The following ADGRE3 variants were observed in gnomAD, a reference collection of about 807,000 sequenced individuals.
ADGRE3 encodes EGF-like module receptor 3.
ADGRE3 carries 88 observed loss-of-function variants against 80.1 expected under a neutral mutation model. That is an observed-to-expected ratio of 1.10 (90% confidence interval 0.93 to 1.31). The LOEUF (loss-of-function observed/expected upper bound fraction) is 1.31, where lower values mean the gene tolerates loss of function less well. Ranked by LOEUF, ADGRE3 falls within the 40% of genes most tolerant of loss-of-function variation. ADGRE3 has a pLI of 0.00. For synonymous variants in ADGRE3, 281 were observed against 294.8 expected (o/e 0.95, Z 0.48); for missense variants, 715 against 776.5 (o/e 0.92, Z 0.94).
At chr19:14,670,896 C>T (rs1211586735) in intron 1 of ADGRE3, among the ~76,000 whole-genome samples, 2 of 152,228 alleles carry the variant, frequency 1.3e-5, no homozygotes, top group Non-Finnish European at 2.9e-5. Context: ...AGGGCACTAC[C>T]TGCATGGAAG....
intron 1 of ADGRE3, among the ~76,000 whole-genome samples, chr19:14,673,876 T>C (rs1165430770): frequency 1.3e-5 from 2 of 152,184 alleles, no homozygotes; most frequent in African/African-American, 4.8e-5. Flanking sequence ...TTTTCCACTG[T>C]CCTTCTACTC....
chr19:14,618,053 G>A (rs1435603255), downstream of ADGRE3, among the ~76,000 whole-genome samples: 1 of 151,680 alleles, frequency 6.6e-6, no homozygotes, highest in Non-Finnish European at 1.5e-5. Flanking sequence ...ACTTTTATTT[G>A]GAGGGACAGC....
rs144007714 is a variant in ADGRE3, at chr19:14,671,606, C to T, written c.26-2754G>A. The stretch of plus-strand genomic sequence containing the variant: ...GTTCCAGGGATTAGGATGTGGATGT[C>T]TCTGGGGGGACTGTTATTTTTCTTC... On this transcript the variant is annotated intron_variant, in intron 1 of 15. Coordinates refer to ENST00000253673, the MANE Select transcript of ADGRE3 (RefSeq NM_032571.5). 1.7e-3 allele frequency among the ~76,000 whole-genome samples: 264 copies of T among 152,240 alleles called. 1 individual carries two copies. Among genetic ancestry groups the T allele is most frequent in the African/African-American group, 6.1e-3 (254 of 41,530 alleles).
chr19:14,637,065 G>A (rs544102164), intron 11 of ADGRE3, among the ~76,000 whole-genome samples: 2 of 152,266 alleles, frequency 1.3e-5, no homozygotes, highest in African/African-American at 2.4e-5. Flanking sequence ...TTGGACTCCA[G>A]CCTGGGCAAC....
At chr19:14,655,606 C>T (rs906978112) in intron 5 of ADGRE3, among the ~76,000 whole-genome samples, 10 of 152,008 alleles carry the variant, frequency 6.6e-5, no homozygotes, top group African/African-American at 2.4e-4. Context: ...CAGGTGCACA[C>T]CGCCATGCTT....
intron 14 of ADGRE3, 23 bp downstream of exon 14, chr19:14,630,016 C>A (rs1466883510): frequency 1.3e-6 from 2 of 1,516,562 alleles, no homozygotes; most frequent in Admixed American, 2.1e-5. Context: ...GTTTAAATAA[C>A]AAAGAAAGGG....
At chr19:14,617,344 T>TCTCTCTCTCTTTCTC (rs774654059), downstream of ADGRE3, among the ~76,000 whole-genome samples, 3 of 49,330 alleles carry the variant, frequency 6.1e-5, no homozygotes, top group African/African-American at 1.7e-4. Context: ...CTCCCTCCCT[T>TCTCTCTCTCTTTCTC]TCTTTCTTTC....
chr19:14,639,921 T>G (rs1447525405), intron 10 of ADGRE3, among the ~76,000 whole-genome samples: 2 of 152,228 alleles, frequency 1.3e-5, no homozygotes, highest in Admixed American at 6.5e-5. Context: ...ACAATAGCTC[T>G]CTTGTATTTA....
At chr19:14,617,343 T>TCTCTTTCTTTCTC (rs527628863), downstream of ADGRE3, among the ~76,000 whole-genome samples, 2 of 71,564 alleles carry the variant, frequency 2.8e-5, no homozygotes, top group African/African-American at 1.2e-4. Flanking sequence ...CCTCCCTCCC[T>TCTCTTTCTTTCTC]TTCTTTCTTT....
intron 2 of ADGRE3, 122 bp from the exon 3 acceptor site, chr19:14,663,662 A>C: frequency 8.2e-7 from 1 of 1,221,754 alleles, no homozygotes; most frequent in Non-Finnish European, 1.1e-6. Context: ...AACATACTGA[A>C]ACCCCATTTC....
rs551141717 is a variant in ADGRE3, at chr19:14,630,762, A to G, written c.1644-555T>C. Among the ~76,000 whole-genome samples the G allele has an allele frequency of 1.1e-3, 165 of 152,268 alleles. 1 individual carries two copies. The highest frequency in any genetic ancestry group is 3.7e-3 in the African/African-American group (152 of 41,576). ...GTCCTATTTCGTGGGGTTGCTATAA[A>G]GATTACATGAGACTTTAATGGGAAA... On this transcript the variant is annotated intron_variant, in intron 13 of 15. Coordinates refer to ENST00000253673, the MANE Select transcript of ADGRE3 (RefSeq NM_032571.5).
chr19:14,666,637 C>T (rs373542560), intron 2 of ADGRE3, among the ~76,000 whole-genome samples: 2 of 152,114 alleles, frequency 1.3e-5, no homozygotes, highest in African/African-American at 2.4e-5. Context: ...TCGGCCTCCC[C>T]GAGTGCTGGG....
At chr19:14,657,850 G>A (rs1267805191) in intron 5 of ADGRE3, among the ~76,000 whole-genome samples, 1 of 151,750 alleles carries the variant, frequency 6.6e-6, no homozygotes, top group African/African-American at 2.4e-5. Context: ...CGCAACCTCC[G>A]CCTCCTGGAT....
intron 4 of ADGRE3, among the ~76,000 whole-genome samples, chr19:14,661,292 G>T (rs1210862331): frequency 6.6e-6 from 1 of 152,158 alleles, no homozygotes; most frequent in Non-Finnish European, 1.5e-5. Context: ...AAGCCAGCCT[G>T]CAGTGAAAGA....
intron 2 of ADGRE3, 45 bp from the exon 3 acceptor site, chr19:14,663,585 C>A (rs1183838018): frequency 1.3e-6 from 2 of 1,589,306 alleles, no homozygotes; most frequent in African/African-American, 2.7e-5. Context: ...GGGTCACAAA[C>A]TCTCCTGTTA....
chr19:14,609,556 G>C, the ADGRE3 span, among the ~76,000 whole-genome samples: 2 of 152,090 alleles, frequency 1.3e-5, no homozygotes, highest in African/African-American at 4.8e-5. Context: ...TTGATTAAGG[G>C]GCCAGGCACG....
In ADGRE3 at chr19:14,638,095, T is replaced by G; in HGVS notation, c.1484+10A>C. On this transcript the variant is annotated intron_variant, in intron 11 of 15. Transcript: ENST00000253673. ...AACTGTCCATGACACAAGGTGGGATTCAAGCTCACCGATCAGCAGTTCCAT... is the reference window on the plus strand; with the variant it reads ...AACTGTCCATGACACAAGGTGGGATGCAAGCTCACCGATCAGCAGTTCCAT... 6.2e-7 allele frequency: 1 copy of G among 1,604,260 alleles called. No individual in the cohort carries two copies.
At chr19:14,615,730 C>A (rs1171306763), downstream of ADGRE3, among the ~76,000 whole-genome samples, 1 of 151,256 alleles carries the variant, frequency 6.6e-6, no homozygotes, top group Non-Finnish European at 1.5e-5. Flanking sequence ...CCACTGCACT[C>A]CAGCCTGGGC....
chr19:14,620,978 T>C (rs1040914076), intron 15 of ADGRE3, among the ~76,000 whole-genome samples: 2 of 152,142 alleles, frequency 1.3e-5, no homozygotes, highest in Non-Finnish European at 2.9e-5. Context: ...CAGTCAACAG[T>C]TGGCACTTTT....
Sources: gnomAD v4.1 joint callset for allele counts (sites outside exome capture counted in the v4.1 genomes callset) on GRCh38, gnomAD v4.1.1 for gene constraint, MANE v1.5 for transcripts, NCBI Gene and HGNC (gene_info 2026-07-23, HGNC 2026-07-21) for gene names.